WWOX: variants seen among roughly 807,000 people sequenced by gnomAD.
WWOX encodes the protein WW domain containing oxidoreductase.
Under a neutral mutation model 46.2 loss-of-function variants are expected in WWOX, and 69 were observed. The observed-to-expected ratio is 1.49, with a 90% CI of 1.23 to 1.82. WWOX has a LOEUF of 1.82. Ranked by LOEUF, WWOX falls within the 40% of genes most tolerant of loss-of-function variation. The pLI, the probability that WWOX is intolerant of heterozygous loss-of-function variation, is 0.00. For missense variants in WWOX, 919 were observed against 542.6 expected (o/e 1.69, Z -6.89); for synonymous variants, 359 against 202.6 (o/e 1.77, Z -6.56).
At chr16:79,015,814 T>C (rs2047401411) in intron 8 of WWOX, among the ~76,000 whole-genome samples, 1 of 152,186 alleles carries the variant, frequency 6.6e-6, no homozygotes, top group South Asian at 2.1e-4. Flanking sequence ...TGCAGCGGTG[T>C]GATCTTGGCT....
At chr16:78,318,502 C>G (rs557351067) in intron 5 of WWOX, among the ~76,000 whole-genome samples, 1 of 152,214 alleles carries the variant, frequency 6.6e-6, no homozygotes, top group East Asian at 1.9e-4. Context: ...GGTTCCTTAA[C>G]TAAATTGGAG....
At chr16:78,334,483 C>G (rs2080833472) in intron 5 of WWOX, among the ~76,000 whole-genome samples, 1 of 152,136 alleles carries the variant, frequency 6.6e-6, no homozygotes, top group African/African-American at 2.4e-5. Flanking sequence ...AGGTGTTACA[C>G]AATTCATAGC....
intron 8 of WWOX, among the ~76,000 whole-genome samples, chr16:78,881,539 C>G (rs1282535306): frequency 6.6e-6 from 1 of 152,138 alleles, no homozygotes; most frequent in Admixed American, 6.5e-5. Flanking sequence ...AGGATCCTTG[C>G]TGGAATAGTC....
chr16:78,701,713 C>G (rs891496438), intron 8 of WWOX, among the ~76,000 whole-genome samples: 1 of 152,010 alleles, frequency 6.6e-6, no homozygotes, highest in Non-Finnish European at 1.5e-5. Flanking sequence ...GGCAGGCCCT[C>G]AAAGCTGGGA....
Position 78,208,421 on chromosome 16 carries a change from G to A in WWOX, c.516+44132G>A, listed in dbSNP as rs569692040. Among the ~76,000 whole-genome samples the A allele has an allele frequency of 2.4e-4, 36 of 152,198 alleles. 1 individual carries two copies. Among genetic ancestry groups the A allele is most frequent in the Non-Finnish European group, 5.0e-4 (34 of 68,014 alleles). ...TGTATATGAAACGGTGAGAAACTGC[G>A]TATTTATTAAGAGTCACGACCCTTA... On this transcript the variant is annotated intron_variant, in intron 5 of 8. Coordinates refer to ENST00000566780, the MANE Select transcript of WWOX (RefSeq NM_016373.4).
chr16:78,987,982 A>G (rs565987464), intron 8 of WWOX, among the ~76,000 whole-genome samples: 1 of 152,194 alleles, frequency 6.6e-6, no homozygotes, highest in South Asian at 2.1e-4. Flanking sequence ...TAATTTCAAG[A>G]AATTTTAATA....
chr16:79,164,113 G>A (rs1306195945), intron 8 of WWOX, among the ~76,000 whole-genome samples: 1 of 152,150 alleles, frequency 6.6e-6, no homozygotes, highest in Non-Finnish European at 1.5e-5. Context: ...CCACTTTATG[G>A]CCCAGAAACA....
chr16:78,690,380 G>T (rs552550079), intron 8 of WWOX, among the ~76,000 whole-genome samples: 2 of 152,042 alleles, frequency 1.3e-5, no homozygotes, highest in Non-Finnish European at 2.9e-5. Flanking sequence ...GTGAGACCCC[G>T]TATCTACAAA....
chr16:78,206,828 C>T (rs1053342388), intron 5 of WWOX, among the ~76,000 whole-genome samples: 2 of 152,192 alleles, frequency 1.3e-5, no homozygotes, highest in African/African-American at 4.8e-5. Context: ...GGTCACACAA[C>T]TAAAAGAAGT....
intron 5 of WWOX, among the ~76,000 whole-genome samples, chr16:78,314,319 T>C (rs1327745797): frequency 6.9e-6 from 1 of 145,082 alleles, no homozygotes; most frequent in African/African-American, 2.6e-5. Context: ...GGCAGGAGAA[T>C]GGTGTGAACC....
intron 8 of WWOX, among the ~76,000 whole-genome samples, chr16:78,973,296 G>T (rs141464949): frequency 6.6e-6 from 1 of 152,238 alleles, no homozygotes; most frequent in South Asian, 2.1e-4. Context: ...TCATCCTGGC[G>T]TTTGGGTACT....
chr16:78,905,956 A>G (rs981901289), intron 8 of WWOX, among the ~76,000 whole-genome samples: 2 of 152,208 alleles, frequency 1.3e-5, no homozygotes, highest in Non-Finnish European at 2.9e-5. Flanking sequence ...CCCAAGAGCT[A>G]AAAGGGAGAA....
intron 8 of WWOX, among the ~76,000 whole-genome samples, chr16:78,940,811 C>T (rs2045837394): frequency 6.6e-6 from 1 of 151,540 alleles, no homozygotes; most frequent in Admixed American, 6.6e-5. Context: ...TCCTTAGAGT[C>T]TTTCAAGAGA....
At chr16:78,639,663 G>C (rs2472197) in intron 8 of WWOX, among the ~76,000 whole-genome samples, 2 of 151,828 alleles carry the variant, frequency 1.3e-5, no homozygotes, top group African/African-American at 4.8e-5. Flanking sequence ...TCCCAGGTTC[G>C]AGTGATTTTC....
intron 8 of WWOX, among the ~76,000 whole-genome samples, chr16:78,630,346 T>C (rs1218625941): frequency 6.6e-6 from 1 of 152,096 alleles, no homozygotes; most frequent in Non-Finnish European, 1.5e-5. Flanking sequence ...CATTCCCAGA[T>C]CAGATAAAGA....
At chr16:78,787,886 C>G (rs1161940620) in intron 8 of WWOX, among the ~76,000 whole-genome samples, 1 of 151,988 alleles carries the variant, frequency 6.6e-6, no homozygotes, top group Non-Finnish European at 1.5e-5. Context: ...TTGCATTTCC[C>G]TCATGATTAA....
intron 8 of WWOX, among the ~76,000 whole-genome samples, chr16:78,534,114 A>C (rs1323696255): frequency 1.3e-5 from 2 of 152,194 alleles, no homozygotes; most frequent in Non-Finnish European, 2.9e-5. Context: ...AGTTATAGAA[A>C]AATTTATTAA....
At chr16:78,785,557 TAAG>T (rs142784262) in intron 8 of WWOX, among the ~76,000 whole-genome samples, 2,386 of 152,284 alleles carry the variant, frequency 0.016, 64 homozygotes, top group African/African-American at 0.053. Flanking sequence ...AATTTACAAA[TAAG>T]AAGAAGAATA....
intron 8 of WWOX, among the ~76,000 whole-genome samples, chr16:78,685,025 A>G (rs918800442): frequency 2.0e-5 from 3 of 152,168 alleles, no homozygotes; most frequent in African/African-American, 7.2e-5. Flanking sequence ...TTTGGCCACA[A>G]TCCTCAGGAT....
Sources: gnomAD v4.1 joint callset for allele counts (sites outside exome capture counted in the v4.1 genomes callset) on GRCh38, gnomAD v4.1.1 for gene constraint, MANE v1.5 for transcripts, NCBI Gene and HGNC (gene_info 2026-07-23, HGNC 2026-07-21) for gene names.